RGS17: variants seen among roughly 807,000 people sequenced by gnomAD.
RGS17 encodes the protein regulator of G-protein signaling 17.
Under a neutral mutation model 25.5 loss-of-function variants are expected in RGS17, and 12 were observed. That is an observed-to-expected ratio of 0.47 (90% CI 0.30 to 0.76). The LOEUF (loss-of-function observed/expected upper bound fraction) is 0.76. Ranked by LOEUF, RGS17 falls within the 30% of genes least tolerant of loss-of-function variation. RGS17 has a pLI of 0.07. For missense variants in RGS17, 196 were observed against 242.2 expected, an observed-to-expected ratio of 0.81 and a Z score of 1.27; for synonymous variants, 71 against 76.9, an observed-to-expected ratio of 0.92 and a Z score of 0.40.
intron 1 of RGS17, among the ~76,000 whole-genome samples, chr6:153,062,972 T>A (rs529106846): frequency 5.9e-5 from 9 of 152,230 alleles, no homozygotes; most frequent in African/African-American, 1.9e-4. Context: ...CCCAGGACCA[T>A]CAAGGCAGTA....
rs530667570 is a variant in RGS17, at chr6:153,009,087, C to G, written c.*2487G>C. 1 of 152,012 alleles carries G rather than the reference C, an allele frequency of 6.6e-6. No individual in the cohort carries two copies. The highest frequency in any genetic ancestry group is 6.6e-5 in the Admixed American group (1 of 15,258). The allele number at this position is 152,012 out of a possible 1,614,324, so 9.4% of individuals were successfully genotyped here. A position where few individuals can be genotyped will look rare whatever the true frequency, so the allele number is the denominator to read the frequency against. ...CTTTAAAATCTGTGTTCTACAAATG[C>G]CCAGGTTAGAGATTAGGACTCTTTA... is the stretch of plus-strand genomic sequence containing the variant. On this transcript the variant is annotated 3_prime_UTR_variant, in exon 5 of 5. Transcript: ENST00000206262.
In RGS17 at chr6:153,011,735, C is replaced by T; in HGVS notation, c.472G>A (p.Val158Met). Residue 158 changes from valine to methionine, a missense_variant, in exon 5 of 5, where the codon GTG (valine) becomes ATG (methionine). Coordinates refer to ENST00000206262, the MANE Select transcript of RGS17 (RefSeq NM_012419.5). ...EVSLDSRVRE[V>M]INRNLLDPNP... The stretch of plus-strand genomic sequence containing the variant: ...GGATCCAACAGATTTCTATTGATCA[C>T]CTCTCTAACTCGAGAATCAAGACTG... 1 of 1,610,364 alleles carries T rather than the reference C, an allele frequency of 6.2e-7. No individual in the cohort carries two copies. Among genetic ancestry groups the T allele is most frequent in the Non-Finnish European group, 8.5e-7 (1 of 1,178,890 alleles).
At chr6:153,065,178 A>G (rs1443199871) in intron 1 of RGS17, among the ~76,000 whole-genome samples, 2 of 152,200 alleles carry the variant, frequency 1.3e-5, no homozygotes, top group Non-Finnish European at 2.9e-5. Flanking sequence ...AATGAATCTC[A>G]ATACAAAAAC....
At chr6:153,119,480 C>T (rs954999205) in intron 1 of RGS17, among the ~76,000 whole-genome samples, 25 of 152,096 alleles carry the variant, frequency 1.6e-4, no homozygotes, top group African/African-American at 5.8e-4. Flanking sequence ...CGCCTGAGGT[C>T]GGAGTTTGAG....
intron 1 of RGS17, among the ~76,000 whole-genome samples, chr6:153,103,081 CAG>C (rs1376496410): frequency 6.6e-6 from 1 of 152,078 alleles, no homozygotes; most frequent in Non-Finnish European, 1.5e-5. Flanking sequence ...TACAATAACC[CAG>C]ACAGCACTCT....
At chr6:153,123,544 G>C (rs1416228761) in intron 1 of RGS17, among the ~76,000 whole-genome samples, 1 of 152,148 alleles carries the variant, frequency 6.6e-6, no homozygotes, top group Non-Finnish European at 1.5e-5. Context: ...CTAACTGCTA[G>C]ATTTAGAAAT....
In RGS17 at chr6:153,124,104, A is replaced by T. The variant is rs189411869; in HGVS notation, c.-26+7020T>A. Among the ~76,000 whole-genome samples the T allele has an allele frequency of 5.3e-5, 8 of 152,258 alleles. No individual in the cohort carries two copies. In the East Asian group the frequency reaches 1.5e-3, roughly 29 times the overall value. On this transcript the variant is annotated intron_variant, in intron 1 of 4. Transcript: ENST00000206262. ...GTTGTAGAGGCTCCTAAATTTTGAG[A>T]TCAATTGGTCTATTGCTAAACCCTA...
chr6:153,129,086 G>A (rs1007679820), intron 1 of RGS17, among the ~76,000 whole-genome samples: 3 of 152,194 alleles, frequency 2.0e-5, no homozygotes, highest in African/African-American at 7.2e-5. Context: ...TCATTGCCAT[G>A]GAGATTTATC....
At chr6:153,064,953 T>C (rs1403140204) in intron 1 of RGS17, among the ~76,000 whole-genome samples, 1 of 152,110 alleles carries the variant, frequency 6.6e-6, no homozygotes, top group Non-Finnish European at 1.5e-5. Flanking sequence ...TCCTTACTTA[T>C]CAATAATAAC....
chr6:153,090,843 A>C (rs1291590211), intron 1 of RGS17, among the ~76,000 whole-genome samples: 1 of 129,100 alleles, frequency 7.7e-6, no homozygotes, highest in Non-Finnish European at 1.6e-5. Flanking sequence ...GTTCAGTAAA[A>C]AAACATAGTA....
chr6:153,079,395 C>T (rs1010564486), intron 1 of RGS17, among the ~76,000 whole-genome samples: 1 of 152,148 alleles, frequency 6.6e-6, no homozygotes, highest in Non-Finnish European at 1.5e-5. Context: ...TTGGTTTGTT[C>T]TTAATCATAA....
intron 1 of RGS17, among the ~76,000 whole-genome samples, chr6:153,080,989 A>AT (rs546321892): frequency 9.0e-4 from 137 of 152,034 alleles, no homozygotes; most frequent in Non-Finnish European, 1.5e-3. Flanking sequence ...TTAAATTTAG[A>AT]TTTTTTTAAA....
chr6:153,078,228 G>A (rs1235148249), intron 1 of RGS17, among the ~76,000 whole-genome samples: 1 of 152,076 alleles, frequency 6.6e-6, no homozygotes, highest in African/African-American at 2.4e-5. Flanking sequence ...TCTACTTTGT[G>A]CTTCTATTTC....
chr6:153,096,276 T>C (rs1312639885), intron 1 of RGS17, among the ~76,000 whole-genome samples: 4 of 152,204 alleles, frequency 2.6e-5, no homozygotes, highest in Non-Finnish European at 5.9e-5. Flanking sequence ...TGGAGTTCAA[T>C]GTGGCTGAGG....
At chr6:153,097,817 C>T (rs993832673) in intron 1 of RGS17, among the ~76,000 whole-genome samples, 1 of 152,056 alleles carries the variant, frequency 6.6e-6, no homozygotes, top group African/African-American at 2.4e-5. Flanking sequence ...GGGTGAGTGA[C>T]ACAGGAGTAA....
intron 2 of RGS17, among the ~76,000 whole-genome samples, chr6:153,036,964 T>C (rs1776252601): frequency 6.6e-6 from 1 of 152,164 alleles, no homozygotes; most frequent in Non-Finnish European, 1.5e-5. Flanking sequence ...CTCTCCTTAC[T>C]TAAAACCCTT....
At position 153,130,661 on chromosome 6, in the gene RGS17, G is replaced by T. The variant is rs1777775514; in HGVS notation, c.-26+463C>A. On this transcript the variant is annotated intron_variant, in intron 1 of 4. Coordinates refer to ENST00000206262, the MANE Select transcript of RGS17 (RefSeq NM_012419.5). The surrounding 1 kb of genome is among the most constrained non-coding windows in gnomAD (Gnocchi z 6.4). ...GGTGATCAGTCGATTGGACACTGTT[G>T]ATGGCACATTCTCCTCGTTCCCAAC... Among the ~76,000 whole-genome samples the T allele has an allele frequency of 6.6e-6, 1 of 152,144 alleles. No homozygotes were observed. Among genetic ancestry groups the T allele is most frequent in the African/African-American group, 2.4e-5 (1 of 41,440 alleles).
chr6:153,043,357 A>T lies in RGS17; in HGVS notation c.119+543T>A, dbSNP rs563119131. On this transcript the variant is annotated intron_variant, in intron 2 of 4. Coordinates refer to ENST00000206262, the MANE Select transcript of RGS17 (RefSeq NM_012419.5). ...ACAGCCACTGACCTTTTAGATAGGT[A>T]GTTGTGAGTCAATGACTCTTCTCTC... Among the ~76,000 whole-genome samples, 6 of 152,292 alleles carry T rather than the reference A, an allele frequency of 3.9e-5. No individual in the cohort carries two copies. In the East Asian group the frequency reaches 7.7e-4, roughly 20 times the overall value.
At chr6:153,019,394 T>G (rs544502761) in intron 4 of RGS17, among the ~76,000 whole-genome samples, 1 of 152,312 alleles carries the variant, frequency 6.6e-6, no homozygotes, top group African/African-American at 2.4e-5. Context: ...AGCCTCTAAG[T>G]AGATTTTTTA....
Sources: allele counts gnomAD v4.1 joint callset (sites outside exome capture counted in the v4.1 genomes callset), GRCh38; gene constraint gnomAD v4.1.1; non-coding constraint Gnocchi (gnomAD v3.1); transcripts MANE v1.5; gene names NCBI Gene and HGNC (gene_info 2026-07-23, HGNC 2026-07-21).